OCA2: variants seen among roughly 807,000 people sequenced by gnomAD.
OCA2 encodes the protein OCA2 melanosomal transmembrane protein, also known as P protein.
A neutral mutation model predicts 100.2 loss-of-function variants in OCA2; 77 were observed. That is an observed-to-expected ratio of 0.77 (90% CI 0.64 to 0.93). The LOEUF is 0.93. Among genes scored for constraint, OCA2 ranks in the 40% least tolerant of loss-of-function variants. The pLI is 0.00. For missense variants in OCA2, 1,062 were observed against 1,089.1 expected (o/e 0.98, Z 0.35); for synonymous variants, 432 against 439.2 (o/e 0.98, Z 0.21).
At chr15:27,961,743 A>C (rs1019188490) in intron 15 of OCA2, among the ~76,000 whole-genome samples, 2 of 152,174 alleles carry the variant, frequency 1.3e-5, no homozygotes, top group Non-Finnish European at 2.9e-5. Context: ...GTGGGAGTTG[A>C]ACAATGAGAA....
intron 19 of OCA2, among the ~76,000 whole-genome samples, chr15:27,911,201 G>A (rs1283956754): frequency 6.6e-6 from 1 of 151,982 alleles, no homozygotes; most frequent in African/African-American, 2.4e-5. Flanking sequence ...ACTTGAGGCT[G>A]GGTAATTTAA....
At chr15:27,914,855 A>T (rs1255187495) in intron 19 of OCA2, among the ~76,000 whole-genome samples, 1 of 152,222 alleles carries the variant, frequency 6.6e-6, no homozygotes. Context: ...GAATTAGAAA[A>T]AAACTATTGC....
intron 11 of OCA2, among the ~76,000 whole-genome samples, chr15:27,986,847 T>C (rs2041371573): frequency 2.0e-5 from 3 of 152,190 alleles, no homozygotes; most frequent in Admixed American, 1.3e-4. Context: ...TGCTAGCAGT[T>C]TTGTGCCTAT....
intron 14 of OCA2, among the ~76,000 whole-genome samples, chr15:27,978,649 T>C (rs1264536817): frequency 6.6e-6 from 1 of 152,170 alleles, no homozygotes; most frequent in East Asian, 1.9e-4. Context: ...TGTGTCTATA[T>C]GTATATATGT....
intron 18 of OCA2, among the ~76,000 whole-genome samples, chr15:27,949,842 T>C (rs75143375): frequency 0.01 from 1,542 of 152,312 alleles, 27 homozygotes; most frequent in African/African-American, 0.035. Context: ...CATTAAAATA[T>C]ATGCCAATCA....
intron 2 of OCA2, among the ~76,000 whole-genome samples, chr15:28,074,382 A>G (rs918270275): frequency 1.3e-5 from 2 of 151,894 alleles, no homozygotes; most frequent in Non-Finnish European, 2.9e-5. Flanking sequence ...TACTAAAAAT[A>G]CAAAAAAAAT....
intron 2 of OCA2, among the ~76,000 whole-genome samples, chr15:28,063,279 C>T (rs572682946): frequency 6.6e-6 from 1 of 152,136 alleles, no homozygotes; most frequent in African/African-American, 2.4e-5. Flanking sequence ...CATTCTTTTA[C>T]CTTCAGCCTA....
At chr15:27,892,547 G>A (rs1314426197) in intron 19 of OCA2, among the ~76,000 whole-genome samples, 1 of 151,978 alleles carries the variant, frequency 6.6e-6, no homozygotes, top group African/African-American at 2.4e-5. Context: ...AACATATAGG[G>A]TGCAACCGAA....
At chr15:28,088,653 T>C (rs2044820232) in intron 1 of OCA2, among the ~76,000 whole-genome samples, 1 of 152,214 alleles carries the variant, frequency 6.6e-6, no homozygotes, top group South Asian at 2.1e-4. Context: ...GGTTCCGTGA[T>C]GCCCCCTGAG....
intron 1 of OCA2, among the ~76,000 whole-genome samples, chr15:28,084,029 T>C (rs1433173354): frequency 6.6e-6 from 1 of 151,990 alleles, no homozygotes; most frequent in Non-Finnish European, 1.5e-5. Context: ...TATTCAGAGG[T>C]GGGGTCTCAG....
At chr15:27,954,159 A>ACCCC (rs59659387) in intron 17 of OCA2, among the ~76,000 whole-genome samples, 6 of 55,116 alleles carry the variant, frequency 1.1e-4, no homozygotes, top group East Asian at 2.1e-4. Flanking sequence ...ACACACACAC[A>ACCCC]CCTAGGGTCA....
intron 23 of OCA2, among the ~76,000 whole-genome samples, chr15:27,821,761 A>G (rs994545024): frequency 5.9e-5 from 9 of 152,148 alleles, no homozygotes; most frequent in Non-Finnish European, 1.3e-4. Context: ...GCATACATAC[A>G]GGCACATTTG....
rs191370961 is a variant in OCA2 at position 27,999,555 on chromosome 15, C to G, written c.1045-8908G>C. Among the ~76,000 whole-genome samples the G allele has an allele frequency of 2.8e-3, 423 of 152,278 alleles. 2 individuals carry two copies. Among genetic ancestry groups the G allele is most frequent in the Non-Finnish European group, 4.5e-3 (303 of 68,014 alleles). On this transcript the variant is annotated intron_variant, in intron 9 of 23. Transcript: ENST00000354638. ...AAAGCTTTTCTTCCAAGGTCAGGAA[C>G]AAGACAAGGATGCTCACTCTCACCA...
At chr15:27,984,170 A>G (rs1219819978) in intron 13 of OCA2, among the ~76,000 whole-genome samples, 5 of 151,800 alleles carry the variant, frequency 3.3e-5, no homozygotes, top group African/African-American at 1.2e-4. Context: ...TGCTAACTGT[A>G]TTCACCCTAC....
At chr15:27,776,960 C>T (rs538447921) in intron 23 of OCA2, among the ~76,000 whole-genome samples, 6 of 15,920 alleles carry the variant, frequency 3.8e-4, no homozygotes, top group Non-Finnish European at 6.7e-4. Context: ...AGTGTGGCGG[C>T]GGGGAGCGTG....
In OCA2 at chr15:28,070,087, G is replaced by A. The variant is rs1377048470; in HGVS notation, c.227+11561C>T. 5.3e-5 allele frequency among the ~76,000 whole-genome samples: 6 copies of A among 113,470 alleles called. 2 individuals are homozygous for A. The South Asian group carries it at 1.2e-3, about 23-fold the overall frequency. 74.4% of individuals were successfully genotyped at this position (113,470 alleles called of 152,430 possible). A position where few individuals can be genotyped will look rare whatever the true frequency, so the allele number is the denominator to read the frequency against. On this transcript the variant is annotated intron_variant, in intron 2 of 23. Transcript: ENST00000354638. ...TGGGATGTGAGGAGCACCTCTGCCC[G>A]GCCGAGACCCCGTCTGGGAGGTGAG...
chr15:27,871,367 C>G lies in OCA2; in HGVS notation c.2140-109G>C, dbSNP rs535028570. 3 of 788,218 alleles carry G rather than the reference C, an allele frequency of 3.8e-6. No homozygotes were observed. In the East Asian group the frequency reaches 7.9e-5, roughly 21 times the overall value. 48.8% of individuals were successfully genotyped at this position (788,218 alleles called of 1,614,324 possible). A position where few individuals can be genotyped will look rare whatever the true frequency, so the allele number is the denominator to read the frequency against. ...CGAGGGTGTTAGTCCTTCCTCTTAC[C>G]CATCACGAGACCAAGGCAGACATAG... On this transcript the variant is annotated intron_variant, in intron 20 of 23. Coordinates refer to ENST00000354638, the MANE Select transcript of OCA2 (RefSeq NM_000275.3).
At chr15:28,042,328 T>A (rs2043227116) in intron 2 of OCA2, among the ~76,000 whole-genome samples, 1 of 152,110 alleles carries the variant, frequency 6.6e-6, no homozygotes, top group Non-Finnish European at 1.5e-5. Context: ...GAAACTCTTA[T>A]TTTAAAAATG....
chr15:27,777,287 A>T (rs1159853516), intron 23 of OCA2, among the ~76,000 whole-genome samples: 1 of 152,136 alleles, frequency 6.6e-6, no homozygotes, highest in East Asian at 1.9e-4. Context: ...GGTTATACTT[A>T]ATAAACGCAC....
Sources: allele counts gnomAD v4.1 joint callset (sites outside exome capture counted in the v4.1 genomes callset), GRCh38; gene constraint gnomAD v4.1.1; transcripts MANE v1.5; gene names NCBI Gene and HGNC (gene_info 2026-07-23, HGNC 2026-07-21).